The following TNRC6B variants were observed in gnomAD, a reference collection of about 807,000 sequenced individuals.
The protein encoded by TNRC6B is trinucleotide repeat-containing gene 6B protein.
In TNRC6B, 52 loss-of-function variants were observed where a neutral mutation model predicts 203.6. The observed-to-expected ratio is 0.26, with a 90% CI of 0.20 to 0.32. The LOEUF (loss-of-function observed/expected upper bound fraction) is 0.32, where lower values mean the gene tolerates loss of function less well. Among genes scored for constraint, TNRC6B ranks in the 10% least tolerant of loss-of-function variants. TNRC6B has a pLI of 1.00. For synonymous variants in TNRC6B, 838 were observed against 845.7 expected, an observed-to-expected ratio of 0.99 and a Z score of 0.16; for missense variants, 1,923 against 2,286.2, an observed-to-expected ratio of 0.84 and a Z score of 3.24.
intron 1 of TNRC6B, among the ~76,000 whole-genome samples, chr22:40,049,583 T>C (rs1179833434): frequency 6.6e-6 from 1 of 152,124 alleles, no homozygotes; most frequent in African/African-American, 2.4e-5. Flanking sequence ...CAAAACAAAA[T>C]CCATATTTAC....
chr22:40,316,782 A>C (rs762889670), intron 21 of TNRC6B, among the ~76,000 whole-genome samples: 1 of 152,228 alleles, frequency 6.6e-6, no homozygotes, highest in Non-Finnish European at 1.5e-5. Context: ...GCTGGCCACT[A>C]GGCTTCATGC....
chr22:40,279,196 G>A (rs550398761), intron 9 of TNRC6B, among the ~76,000 whole-genome samples: 10 of 152,258 alleles, frequency 6.6e-5, no homozygotes, highest in South Asian at 2.1e-4. Flanking sequence ...GAGTGGAAAC[G>A]GTGTTAGCCA....
At chr22:40,203,968 A>G (rs925007222) in intron 1 of TNRC6B, among the ~76,000 whole-genome samples, 5 of 151,912 alleles carry the variant, frequency 3.3e-5, no homozygotes, top group Admixed American at 6.6e-5. Context: ...CCTTCTCTCC[A>G]TCTCCCCACC....
chr22:40,157,080 T>C (rs977786209), intron 4 of TNRC6B, among the ~76,000 whole-genome samples: 1 of 151,666 alleles, frequency 6.6e-6, no homozygotes, highest in African/African-American at 2.4e-5. Flanking sequence ...CAGCCAGGGG[T>C]GATTGGTTTT....
rs569043249 is a variant in TNRC6B at position 40,223,247 on chromosome 22, TCTC to T, written c.6-22765_6-22763del. ...ACTCTGCCTCCTGTGTTCAAGCAATTCTCCTGCCTCAGCCTGCTGAGTAGCTGG... is the reference window on the plus strand; with the variant it reads ...ACTCTGCCTCCTGTGTTCAAGCAATTCTGCCTCAGCCTGCTGAGTAGCTGG... On this transcript the variant is annotated intron_variant, in intron 1 of 22. Coordinates refer to ENST00000454349, the MANE Select transcript of TNRC6B (RefSeq NM_001162501.2). 2.5e-3 allele frequency among the ~76,000 whole-genome samples: 381 copies of T among 152,048 alleles called. 2 individuals are homozygous for T. Among genetic ancestry groups the T allele is most frequent in the African/African-American group, 8.0e-3 (332 of 41,456 alleles).
chr22:40,224,045 T>G (rs2069751145), intron 1 of TNRC6B, among the ~76,000 whole-genome samples: 1 of 152,152 alleles, frequency 6.6e-6, no homozygotes, highest in Non-Finnish European at 1.5e-5. Flanking sequence ...CTTACTCTGT[T>G]GCCCAGGCTG....
intron 18 of TNRC6B, 36 bp from the exon 19 acceptor site, chr22:40,312,866 T>TCC (rs2071205304): frequency 6.4e-7 from 1 of 1,572,118 alleles, no homozygotes; most frequent in Non-Finnish European, 8.7e-7. Context: ...CTGACATTTA[T>TCC]CTTCAGTATT....
chr22:40,324,611 C>G lies in TNRC6B; in HGVS notation c.*1370C>G, dbSNP rs2071380197. ...CTGCTCCTTTCTCGCCGAGCGTTAC[C>G]TGTGCCAGGCCGTGGCGCGTTACAG... is the stretch of plus-strand genomic sequence containing the variant. On this transcript the variant is annotated 3_prime_UTR_variant, in exon 23 of 23. Coordinates refer to ENST00000454349, the MANE Select transcript of TNRC6B (RefSeq NM_001162501.2). 6.5e-6 allele frequency: 1 copy of G among 152,678 alleles called. No homozygotes were observed. The highest frequency in any genetic ancestry group is 1.5e-5 in the Non-Finnish European group (1 of 68,060). 9.5% of individuals were successfully genotyped at this position (152,678 alleles called of 1,614,324 possible). A position where few individuals can be genotyped will look rare whatever the true frequency, so the allele number is the denominator to read the frequency against.
At chr22:40,099,481 T>C (rs2068214872) in intron 1 of TNRC6B, among the ~76,000 whole-genome samples, 1 of 152,152 alleles carries the variant, frequency 6.6e-6, no homozygotes, top group Admixed American at 6.5e-5. Context: ...GTCCTCCATA[T>C]TCATGGGTTC....
intron 3 of TNRC6B, among the ~76,000 whole-genome samples, chr22:40,153,100 C>A (rs1258398011): frequency 6.6e-6 from 1 of 150,886 alleles, no homozygotes; most frequent in Non-Finnish European, 1.5e-5. Context: ...GACTCCATCT[C>A]AAAAAAAATA....
At chr22:40,070,089 TGTTA>T (rs1424247115) in intron 1 of TNRC6B, among the ~76,000 whole-genome samples, 2 of 152,344 alleles carry the variant, frequency 1.3e-5, no homozygotes, top group South Asian at 2.1e-4. Flanking sequence ...AATTATAGGT[TGTTA>T]GTTTTATGTC....
At chr22:40,245,711 CGT>C (rs66501173) in intron 1 of TNRC6B, among the ~76,000 whole-genome samples, 46,390 of 150,972 alleles carry the variant, frequency 0.31, 7,904 homozygotes, top group South Asian at 0.46. Context: ...GGAAATTAAT[CGT>C]GTGTGTGTGT....
At chr22:40,201,269 A>G (rs1484800673) in intron 1 of TNRC6B, among the ~76,000 whole-genome samples, 1 of 152,074 alleles carries the variant, frequency 6.6e-6, no homozygotes, top group Non-Finnish European at 1.5e-5. Context: ...GCTGTGAAAA[A>G]CTAGATGGAG....
chr22:40,259,703 A>G (rs1399830881), intron 3 of TNRC6B, among the ~76,000 whole-genome samples: 1 of 152,162 alleles, frequency 6.6e-6, no homozygotes, highest in African/African-American at 2.4e-5. Context: ...CACCCACAGT[A>G]TGTTAATGTC....
chr22:40,256,470 C>A (rs28377686), intron 3 of TNRC6B, among the ~76,000 whole-genome samples: 1,601 of 152,290 alleles, frequency 0.011, 22 homozygotes, highest in African/African-American at 0.037. Context: ...CTTTTTTGTA[C>A]TGCCCATGAG....
At chr22:40,143,288 T>G (rs2068660426) in intron 3 of TNRC6B, among the ~76,000 whole-genome samples, 1 of 151,936 alleles carries the variant, frequency 6.6e-6, no homozygotes, top group Admixed American at 6.6e-5. Context: ...TAAAAATTAG[T>G]TGGGTGTGGT....
rs1365332614 is a variant in TNRC6B, at chr22:40,278,888, G to C, written c.3262+844G>C. On this transcript the variant is annotated intron_variant, in intron 9 of 22. Coordinates refer to ENST00000454349, the MANE Select transcript of TNRC6B (RefSeq NM_001162501.2). ...CCTGAGTAGCTGGGATCACAGGCGT[G>C]TGCCGCCACGCACAGCTAATTTTTG... Among the ~76,000 whole-genome samples, 5 of 152,224 alleles carry C rather than the reference G, an allele frequency of 3.3e-5. No homozygotes were observed. In the East Asian group the frequency reaches 9.6e-4, roughly 29 times the overall value.
intron 1 of TNRC6B, among the ~76,000 whole-genome samples, chr22:40,086,606 C>T (rs2068101573): frequency 6.6e-6 from 1 of 152,204 alleles, no homozygotes; most frequent in Non-Finnish European, 1.5e-5. Flanking sequence ...CATTTGGATG[C>T]TTGAACAATG....
chr22:40,053,656 T>C lies in TNRC6B; in HGVS notation c.-121+8658T>C, dbSNP rs975653622. On this transcript the variant is annotated intron_variant, in intron 1 of 23. Coordinates refer to the TNRC6B transcript ENST00000301923. ...TTCTTAAGTGAGACTATTGTAGTCA[T>C]CTTTGCATCCCTAGGCACATACTGT... 2.6e-5 allele frequency among the ~76,000 whole-genome samples: 4 copies of C among 152,358 alleles called. No individual in the cohort carries two copies. The South Asian group carries it at 8.3e-4, about 32-fold the overall frequency.
Sources: gnomAD v4.1 joint callset for allele counts (sites outside exome capture counted in the v4.1 genomes callset) on GRCh38, gnomAD v4.1.1 for gene constraint, MANE v1.5 for transcripts, NCBI Gene and HGNC (gene_info 2026-07-23, HGNC 2026-07-21) for gene names.